The following GRM7 variants were observed in gnomAD, a reference collection of about 807,000 sequenced individuals.
GRM7 encodes glutamate metabotropic receptor 7.
A neutral mutation model predicts 84.5 loss-of-function variants in GRM7; 35 were observed. That is an observed-to-expected ratio of 0.41 (90% confidence interval 0.32 to 0.55). GRM7 has a LOEUF of 0.55. GRM7 is among the 20% of genes least tolerant of loss of function. GRM7 has a pLI of 0.19. For synonymous variants in GRM7, 487 were observed against 455.1 expected (o/e 1.07, Z -0.89); for missense variants, 1,003 against 1,194.6 (o/e 0.84, Z 2.36).
chr3:7,389,793 T>C (rs1278276430), intron 4 of GRM7, among the ~76,000 whole-genome samples: 1 of 152,142 alleles, frequency 6.6e-6, no homozygotes, highest in East Asian at 1.9e-4. Flanking sequence ...TGTTTTTTTT[T>C]TAATCCAATT....
At chr3:7,319,655 A>C (rs17047122) in intron 4 of GRM7, among the ~76,000 whole-genome samples, 31,585 of 151,926 alleles carry the variant, frequency 0.21, 4,339 homozygotes, top group African/African-American at 0.38. Flanking sequence ...ATATCTACTT[A>C]GGTTCAGCCT....
At chr3:7,294,742 G>A (rs1010358004) in intron 2 of GRM7, among the ~76,000 whole-genome samples, 3 of 152,080 alleles carry the variant, frequency 2.0e-5, no homozygotes, top group Non-Finnish European at 2.9e-5. Flanking sequence ...CATCACCTGG[G>A]AACCTGTTCC....
At chr3:7,276,630 G>A (rs1240269924) in intron 2 of GRM7, among the ~76,000 whole-genome samples, 1 of 151,540 alleles carries the variant, frequency 6.6e-6, no homozygotes, top group Non-Finnish European at 1.5e-5. Flanking sequence ...GTTCCTTTTG[G>A]GTTATTTTTC....
At chr3:6,885,400 G>A (rs558426933) in intron 1 of GRM7, among the ~76,000 whole-genome samples, 23 of 152,268 alleles carry the variant, frequency 1.5e-4, no homozygotes, top group African/African-American at 4.6e-4. Context: ...TGTAACTTCC[G>A]GGTTGTCCAG....
At chr3:7,077,951 A>G (rs1161841322) in intron 1 of GRM7, among the ~76,000 whole-genome samples, 2 of 151,932 alleles carry the variant, frequency 1.3e-5, no homozygotes, top group Admixed American at 6.6e-5. Flanking sequence ...AGAACCAGAT[A>G]ATAAATATAG....
At chr3:6,906,680 A>T (rs189377870) in intron 1 of GRM7, among the ~76,000 whole-genome samples, 1 of 152,300 alleles carries the variant, frequency 6.6e-6, no homozygotes, top group African/African-American at 2.4e-5. Context: ...TCTTGAACCC[A>T]TATATGCATG....
At chr3:6,939,352 G>A (rs1697807844) in intron 1 of GRM7, among the ~76,000 whole-genome samples, 1 of 151,792 alleles carries the variant, frequency 6.6e-6, no homozygotes. Flanking sequence ...ACTTTGTCTT[G>A]ACTTCATAGG....
rs140520464 is a variant in GRM7, at chr3:7,122,396, G to A, written c.520-24056G>A. On this transcript the variant is annotated intron_variant, in intron 1 of 9. Coordinates refer to ENST00000357716, the MANE Select transcript of GRM7 (RefSeq NM_000844.4). ...ATTGAAAATGTAATGAGAACTGTAT[G>A]TAATAAATTTATAGGTTGTCAAAAA... Among the ~76,000 whole-genome samples, 562 of 152,188 alleles carry A rather than the reference G, an allele frequency of 3.7e-3. 5 individuals are homozygous for A. Among genetic ancestry groups the A allele is most frequent in the African/African-American group, 0.013 (540 of 41,532 alleles).
chr3:7,020,752 G>A (rs570662863), intron 1 of GRM7, among the ~76,000 whole-genome samples: 43 of 152,134 alleles, frequency 2.8e-4, no homozygotes, highest in African/African-American at 1.0e-3. Context: ...TTATGCATTT[G>A]CTTATTTATC....
chr3:7,572,877 T>TATATAA (rs1553618263), intron 7 of GRM7, among the ~76,000 whole-genome samples: 18 of 67,148 alleles, frequency 2.7e-4, no homozygotes, highest in African/African-American at 9.8e-4. Flanking sequence ...TATATATATA[T>TATATAA]ATAAATAATC....
At chr3:7,254,929 G>A (rs1055618279) in intron 2 of GRM7, among the ~76,000 whole-genome samples, 2 of 152,096 alleles carry the variant, frequency 1.3e-5, no homozygotes, top group African/African-American at 2.4e-5. Flanking sequence ...CACTAAGAAC[G>A]GCTTGACTTT....
Position 7,578,830 on chromosome 3 carries a change from A to G in GRM7, c.1924A>G (p.Ile642Val). ...GACGGGCATCTTTCTTTGCTACATC[A>G]TCACTTTCCTGATGATTGCCAAACC... ...LLTGIFLCYI[I>V]TFLMIAKPDV... Residue 642 changes from isoleucine to valine, a missense_variant, in exon 8 of 10, where the codon ATC (isoleucine) becomes GTC (valine). Coordinates refer to ENST00000357716, the MANE Select transcript of GRM7 (RefSeq NM_000844.4). 6.2e-7 allele frequency: 1 copy of G among 1,614,130 alleles called. No individual in the cohort carries two copies. Among genetic ancestry groups the G allele is most frequent in the African/African-American group, 1.3e-5 (1 of 75,034 alleles).
rs139187998 is a variant in GRM7, at chr3:7,148,608, C to T, written c.736+1940C>T. On this transcript the variant is annotated intron_variant, in intron 2 of 9. Transcript: ENST00000357716. ...CTATAGACAGGTCAATGGTGACTTT[C>T]ACATGGTTGTTTATTCCTGGTGTCA... Among the ~76,000 whole-genome samples the T allele has an allele frequency of 3.0e-4, 45 of 152,244 alleles. No homozygotes were observed. In the East Asian group the frequency reaches 7.9e-3, roughly 27 times the overall value.
chr3:7,029,031 C>T (rs1256074892), intron 1 of GRM7, among the ~76,000 whole-genome samples: 1 of 152,082 alleles, frequency 6.6e-6, no homozygotes, highest in Non-Finnish European at 1.5e-5. Context: ...GGGTTGGGCA[C>T]GGTGGCTCAT....
At chr3:7,459,072 T>C (rs1342639390) in intron 6 of GRM7, among the ~76,000 whole-genome samples, 1 of 152,186 alleles carries the variant, frequency 6.6e-6, no homozygotes, top group Non-Finnish European at 1.5e-5. Flanking sequence ...ACAGCAGGCT[T>C]AAGAGATCCC....
intron 7 of GRM7, among the ~76,000 whole-genome samples, chr3:7,507,770 T>C (rs1700081625): frequency 6.6e-6 from 1 of 152,208 alleles, no homozygotes. Flanking sequence ...TTATTTCTCT[T>C]TTAAATAATT....
At chr3:7,635,226 T>A (rs1487127040) in intron 8 of GRM7, among the ~76,000 whole-genome samples, 1 of 152,122 alleles carries the variant, frequency 6.6e-6, no homozygotes, top group African/African-American at 2.4e-5. Context: ...GAGGAAGAAA[T>A]GAGGAACTTC....
intron 2 of GRM7, among the ~76,000 whole-genome samples, chr3:7,294,680 A>G (rs1699754892): frequency 6.6e-6 from 1 of 152,078 alleles, no homozygotes. Context: ...AAATCTGACC[A>G]CCTGCAGCAG....
In GRM7 at chr3:7,430,472, A is replaced by C. The variant is rs564975145; in HGVS notation, c.1174+15309A>C. On this transcript the variant is annotated intron_variant, in intron 5 of 9. Transcript: ENST00000357716. Reference sequence around the variant, plus strand: ...AAAATGAAAAATATAGATAACATCTAACATCAGAGAAGATATGGAGGAGCC... The same window carrying C: ...AAAATGAAAAATATAGATAACATCTCACATCAGAGAAGATATGGAGGAGCC... Among the ~76,000 whole-genome samples the C allele has an allele frequency of 1.8e-4, 28 of 152,376 alleles. No homozygotes were observed. The Middle Eastern group carries it at 0.01, about 56-fold the overall frequency.
Sources: allele counts gnomAD v4.1 joint callset (sites outside exome capture counted in the v4.1 genomes callset), GRCh38; gene constraint gnomAD v4.1.1; transcripts MANE v1.5; gene names NCBI Gene and HGNC (gene_info 2026-07-23, HGNC 2026-07-21).